ZFHX3: variants seen among roughly 807,000 people sequenced by gnomAD.
The protein encoded by ZFHX3 is zinc finger homeobox 3.
A neutral mutation model predicts 279.1 loss-of-function variants in ZFHX3; 42 were observed. The ratio of observed to expected loss-of-function variants is 0.15; its 90% CI spans 0.12 to 0.19. The LOEUF (loss-of-function observed/expected upper bound fraction) is 0.19. ZFHX3 is among the 10% of genes least tolerant of loss of function. The pLI is 1.00. For missense variants in ZFHX3, 4,981 were observed against 4,754.0 expected (o/e 1.05, Z -1.40); for synonymous variants, 2,293 against 1,957.8 (o/e 1.17, Z -4.52).
At chr16:72,840,357 G>A (rs1457149519) in intron 4 of ZFHX3, among the ~76,000 whole-genome samples, 1 of 152,154 alleles carries the variant, frequency 6.6e-6, no homozygotes, top group African/African-American at 2.4e-5. Flanking sequence ...GAGCGTCAAC[G>A]GTGATGGATG....
chr16:73,205,983 CT>C (rs1241903244), intron 5 of ZFHX3, among the ~76,000 whole-genome samples: 1 of 152,162 alleles, frequency 6.6e-6, no homozygotes, highest in Non-Finnish European at 1.5e-5. Flanking sequence ...GGCAAATGGA[CT>C]TTGACAAATC....
chr16:73,766,837 G>C (rs979045064), intron 1 of ZFHX3, among the ~76,000 whole-genome samples: 4 of 151,880 alleles, frequency 2.6e-5, no homozygotes, highest in Non-Finnish European at 5.9e-5. Context: ...TGAGAAAAGT[G>C]ACTTAATTCC....
intron 1 of ZFHX3, among the ~76,000 whole-genome samples, chr16:73,801,730 A>G (rs75206699): frequency 0.018 from 2,781 of 152,240 alleles, 90 homozygotes; most frequent in African/African-American, 0.064. Context: ...ATGGTGATAC[A>G]TGTGCTGATG....
chr16:73,890,700 G>C (rs939768609), intron 1 of ZFHX3, among the ~76,000 whole-genome samples: 1 of 151,694 alleles, frequency 6.6e-6, no homozygotes, highest in African/African-American at 2.4e-5. Flanking sequence ...TTTCCTGTAC[G>C]TTACATCGTC....
At chr16:73,276,946 C>T (rs1259822497) in intron 4 of ZFHX3, among the ~76,000 whole-genome samples, 1 of 152,208 alleles carries the variant, frequency 6.6e-6, no homozygotes, top group African/African-American at 2.4e-5. Flanking sequence ...AGGAATTTCT[C>T]CCCATTAGAA....
chr16:73,148,287 T>C (rs1375110420), intron 5 of ZFHX3, among the ~76,000 whole-genome samples: 1 of 152,208 alleles, frequency 6.6e-6, no homozygotes, highest in Non-Finnish European at 1.5e-5. Flanking sequence ...CTTTCCTTTG[T>C]TTAAAACTAA....
intron 1 of ZFHX3, among the ~76,000 whole-genome samples, chr16:73,798,440 A>C: frequency 6.6e-6 from 1 of 152,208 alleles, no homozygotes; most frequent in Admixed American, 6.5e-5. Flanking sequence ...CATGTGAGGA[A>C]AAAAGGAAAA....
chr16:73,810,380 AG>A (rs1960394668), intron 1 of ZFHX3, among the ~76,000 whole-genome samples: 1 of 152,190 alleles, frequency 6.6e-6, no homozygotes, highest in African/African-American at 2.4e-5. Flanking sequence ...TTACAAATAA[AG>A]GTTCTTTAAA....
chr16:73,863,408 G>T (rs998048279), intron 1 of ZFHX3, among the ~76,000 whole-genome samples: 1 of 152,036 alleles, frequency 6.6e-6, no homozygotes, highest in African/African-American at 2.4e-5. Flanking sequence ...ACGCCAAAAG[G>T]AAACACCCTT....
chr16:73,163,715 T>C (rs972055828), intron 5 of ZFHX3, among the ~76,000 whole-genome samples: 4 of 152,134 alleles, frequency 2.6e-5, no homozygotes, highest in Non-Finnish European at 4.4e-5. Context: ...GGTAGCTTTT[T>C]AGAGGAAGTG....
intron 2 of ZFHX3, among the ~76,000 whole-genome samples, chr16:73,509,917 A>G (rs1308121571): frequency 6.6e-6 from 1 of 152,012 alleles, no homozygotes; most frequent in Non-Finnish European, 1.5e-5. Flanking sequence ...GCTGGTCTTG[A>G]GCTCCTGACT....
intron 1 of ZFHX3, among the ~76,000 whole-genome samples, chr16:73,804,894 AGAGG>A (rs1374592875): frequency 1.2e-4 from 10 of 84,964 alleles, no homozygotes; most frequent in African/African-American, 2.6e-4. Flanking sequence ...CCCACACCAA[AGAGG>A]GAGGGAGGGA....
intron 2 of ZFHX3, among the ~76,000 whole-genome samples, chr16:73,619,472 A>T (rs2052336423): frequency 7.8e-6 from 1 of 128,340 alleles, no homozygotes. Context: ...TGGGTGACAG[A>T]GCGATACTGT....
Position 73,066,994 on chromosome 16 carries a change from G to T in ZFHX3, c.-532-7982C>A, listed in dbSNP as rs1351621929. ...TTCCAGCCAAGGCCTGGGGAGGGAA[G>T]GCGCCTCTGCACCCCTCAGCCCCAG... On this transcript the variant is annotated intron_variant, in intron 8 of 17. Coordinates refer to the ZFHX3 transcript ENST00000641206. 5.3e-5 allele frequency among the ~76,000 whole-genome samples: 8 copies of T among 152,084 alleles called. No homozygotes were observed. In the East Asian group the frequency reaches 1.6e-3, roughly 30 times the overall value.
chr16:73,703,703 G>T (rs1338255666), intron 1 of ZFHX3, among the ~76,000 whole-genome samples: 1 of 152,142 alleles, frequency 6.6e-6, no homozygotes, highest in Non-Finnish European at 1.5e-5. Flanking sequence ...ACACTGGACT[G>T]GACTTTGCAA....
At chr16:72,877,804 T>A (rs959778236) in intron 4 of ZFHX3, among the ~76,000 whole-genome samples, 2 of 152,214 alleles carry the variant, frequency 1.3e-5, no homozygotes, top group African/African-American at 4.8e-5. Flanking sequence ...CAGTCAGCCC[T>A]GTACTCAAGG....
chr16:72,982,000 A>AGCC (rs1214691634), intron 1 of ZFHX3, among the ~76,000 whole-genome samples: 1 of 149,048 alleles, frequency 6.7e-6, no homozygotes, highest in Non-Finnish European at 1.5e-5. Flanking sequence ...CTCCTGCTTC[A>AGCC]GCCTCCTGAG....
chr16:73,340,807 T>C (rs1367063808), intron 3 of ZFHX3, among the ~76,000 whole-genome samples: 1 of 152,090 alleles, frequency 6.6e-6, no homozygotes, highest in African/African-American at 2.4e-5. Flanking sequence ...CATGAATAAA[T>C]GAACCCTACA....
chr16:73,402,201 C>T (rs1419484564), intron 3 of ZFHX3: 1 of 152,140 alleles, frequency 6.6e-6, no homozygotes, highest in African/African-American at 2.4e-5. Context: ...CCTACCTTTT[C>T]TTGATCACAC....
Sources: allele counts gnomAD v4.1 joint callset (sites outside exome capture counted in the v4.1 genomes callset), GRCh38; gene constraint gnomAD v4.1.1; transcripts MANE v1.5; gene names NCBI Gene and HGNC (gene_info 2026-07-23, HGNC 2026-07-21).